ZNF423: variants seen among roughly 807,000 people sequenced by gnomAD.
The protein encoded by ZNF423 is zinc finger protein 423, also known as Ebf-associated zinc finger protein.
In ZNF423, 12 loss-of-function variants were observed where a neutral mutation model predicts 95.8. That is an observed-to-expected ratio of 0.13 (90% CI 0.08 to 0.20). ZNF423 has a LOEUF of 0.20. Among genes scored for constraint, ZNF423 ranks in the 10% least tolerant of loss-of-function variants. The probability of loss-of-function intolerance (pLI) is 1.00; values close to 1 mark genes in which losing one functional copy is unlikely to be tolerated. For synonymous variants in ZNF423, 749 were observed against 711.9 expected (o/e 1.05, Z -0.83); for missense variants, 1,316 against 1,737.1 (o/e 0.76, Z 4.31).
chr16:49,839,427 G>C (rs2035159450), intron 1 of ZNF423, among the ~76,000 whole-genome samples: 2 of 152,202 alleles, frequency 1.3e-5, no homozygotes, highest in Admixed American at 6.5e-5. Context: ...ACGTGGTCCA[G>C]TGCCAGGCAC....
intron 2 of ZNF423, among the ~76,000 whole-genome samples, chr16:49,781,440 G>A (rs779238749): frequency 6.6e-6 from 1 of 152,190 alleles, no homozygotes; most frequent in African/African-American, 2.4e-5. Context: ...AACCCACTGC[G>A]AGTTCAGCGT....
chr16:49,825,253 A>T (rs2034992540), intron 1 of ZNF423, among the ~76,000 whole-genome samples: 4 of 152,250 alleles, frequency 2.6e-5, no homozygotes, highest in Admixed American at 2.6e-4. Context: ...ATTACTTTTT[A>T]AAAAATCTGG....
intron 1 of ZNF423, among the ~76,000 whole-genome samples, chr16:49,824,407 G>C (rs1003544285): frequency 6.6e-6 from 1 of 152,142 alleles, no homozygotes; most frequent in African/African-American, 2.4e-5. Context: ...AGGTCAGCCT[G>C]CTTCCAAAGC....
intron 3 of ZNF423, among the ~76,000 whole-genome samples, chr16:49,648,261 A>G (rs1973250550): frequency 6.6e-6 from 1 of 152,182 alleles, no homozygotes; most frequent in Admixed American, 6.5e-5. Context: ...ATAAACTTGG[A>G]TACTTAGCTA....
intron 1 of ZNF423, among the ~76,000 whole-genome samples, chr16:49,796,125 G>A (rs1214023521): frequency 6.6e-6 from 1 of 152,120 alleles, no homozygotes; most frequent in Non-Finnish European, 1.5e-5. Flanking sequence ...GAGGCTGATT[G>A]ACGAATGGGA....
intron 5 of ZNF423, among the ~76,000 whole-genome samples, chr16:49,575,514 T>C (rs1970469527): frequency 6.6e-6 from 1 of 152,094 alleles, no homozygotes. Context: ...GTGCAGAGCA[T>C]GTGTTAGGAG....
intron 7 of ZNF423, among the ~76,000 whole-genome samples, chr16:49,504,594 C>T (rs1967557819): frequency 6.6e-6 from 1 of 151,862 alleles, no homozygotes; most frequent in African/African-American, 2.4e-5. Context: ...CCACCAACAA[C>T]AAAAAAGTGG....
chr16:49,580,575 A>C (rs973012251), intron 5 of ZNF423, among the ~76,000 whole-genome samples: 1 of 152,216 alleles, frequency 6.6e-6, no homozygotes, highest in Non-Finnish European at 1.5e-5. Context: ...CAAGGGATGA[A>C]GAAAGGAGAG....
intron 2 of ZNF423, among the ~76,000 whole-genome samples, chr16:49,735,636 T>C (rs2033267485): frequency 6.6e-6 from 1 of 152,150 alleles, no homozygotes; most frequent in Non-Finnish European, 1.5e-5. Context: ...AGAAGGAGGC[T>C]TGCAGCTTCC....
intron 7 of ZNF423, among the ~76,000 whole-genome samples, chr16:49,517,447 A>G (rs1968194048): frequency 6.6e-6 from 1 of 152,188 alleles, no homozygotes; most frequent in African/African-American, 2.4e-5. Flanking sequence ...TCTCCTGGTT[A>G]AACAGACTTA....
At chr16:49,802,857 C>G (rs535059537) in intron 1 of ZNF423, among the ~76,000 whole-genome samples, 1 of 152,346 alleles carries the variant, frequency 6.6e-6, no homozygotes, top group South Asian at 2.1e-4. Context: ...AAAAGCACAA[C>G]TTTCCAGTAT....
chr16:49,608,706 C>T (rs1971620492), intron 5 of ZNF423, among the ~76,000 whole-genome samples: 2 of 152,134 alleles, frequency 1.3e-5, no homozygotes, highest in African/African-American at 4.8e-5. Flanking sequence ...AAGCCTTAAC[C>T]AAACCCCACT....
chr16:49,713,489 C>T (rs905620125), intron 3 of ZNF423, among the ~76,000 whole-genome samples: 1 of 152,146 alleles, frequency 6.6e-6, no homozygotes. Context: ...CCCTGCTGCA[C>T]CCCTCTCCCT....
chr16:49,731,935 A>G (rs1246836728), intron 2 of ZNF423, among the ~76,000 whole-genome samples: 1 of 152,206 alleles, frequency 6.6e-6, no homozygotes, highest in Non-Finnish European at 1.5e-5. Flanking sequence ...CTGTGCAGAG[A>G]GTGGCTAATC....
At chr16:49,609,937 G>C (rs1971669333) in intron 5 of ZNF423, among the ~76,000 whole-genome samples, 1 of 152,076 alleles carries the variant, frequency 6.6e-6, no homozygotes, top group Non-Finnish European at 1.5e-5. Flanking sequence ...AAAGCAGCTG[G>C]AGAAAAAATG....
Position 49,789,530 on chromosome 16 carries a change from G to A in ZNF423, c.57C>T (p.Ala19=). ...PRSVKVEEGE[A]SDFSLAWDSS... ...AATCCCAGGCCAGCGAGAAGTCTGA[G>A]GCCTCCCCCTCTTCAACTGAAAGAG... Residue 19 remains alanine (A), a synonymous_variant, in exon 2 of 8, where the codon GCC becomes GCT. Transcript: ENST00000563137. The A allele has an allele frequency of 4.3e-6, 7 of 1,612,262 alleles. No homozygotes were observed. The highest frequency in any genetic ancestry group is 5.9e-6 in the Non-Finnish European group (7 of 1,179,526).
At chr16:49,632,409 G>A (rs1262141976) in intron 4 of ZNF423, among the ~76,000 whole-genome samples, 1 of 152,170 alleles carries the variant, frequency 6.6e-6, no homozygotes, top group African/African-American at 2.4e-5. Flanking sequence ...GTCCCCAGGT[G>A]TGCCCACACA....
intron 5 of ZNF423, among the ~76,000 whole-genome samples, chr16:49,598,992 C>A (rs956004430): frequency 1.3e-5 from 2 of 152,132 alleles, no homozygotes; most frequent in African/African-American, 2.4e-5. Context: ...TACATGGTTT[C>A]GAAGAAAGCC....
chr16:49,523,834 G>T, intron 6 of ZNF423, 95 bp from the exon 7 acceptor site: 1 of 966,754 alleles, frequency 1.0e-6, no homozygotes, highest in Non-Finnish European at 1.6e-6. Flanking sequence ...AGGGATCACT[G>T]TGGCATAGGT....
Sources: gnomAD v4.1 joint callset for allele counts (sites outside exome capture counted in the v4.1 genomes callset) on GRCh38, gnomAD v4.1.1 for gene constraint, MANE v1.5 for transcripts, NCBI Gene and HGNC (gene_info 2026-07-23, HGNC 2026-07-21) for gene names.